The following HOOK3 variants were observed in gnomAD, a reference collection of about 807,000 sequenced individuals.
The protein encoded by HOOK3 is protein Hook homolog 3.
HOOK3 carries 24 observed loss-of-function variants against 116.3 expected under a neutral mutation model. The observed-to-expected ratio is 0.21, with a 90% CI of 0.15 to 0.29. The LOEUF (loss-of-function observed/expected upper bound fraction) is 0.29, where lower values mean the gene tolerates loss of function less well. Among genes scored for constraint, HOOK3 ranks in the 10% least tolerant of loss-of-function variants. The probability of loss-of-function intolerance (pLI) is 1.00; values close to 1 mark genes in which losing one functional copy is unlikely to be tolerated. For missense variants in HOOK3, 632 were observed against 830.2 expected (o/e 0.76, Z 2.93); for synonymous variants, 275 against 283.0 (o/e 0.97, Z 0.28).
chr8:42,996,151 C>T (rs1320866131), intron 15 of HOOK3, among the ~76,000 whole-genome samples: 2 of 151,866 alleles, frequency 1.3e-5, no homozygotes, highest in Non-Finnish European at 1.5e-5. Flanking sequence ...TTTGGGAGGC[C>T]GAGGCAGGTG....
intron 7 of HOOK3, among the ~76,000 whole-genome samples, chr8:42,958,648 C>T (rs1368626235): frequency 7.4e-6 from 1 of 135,980 alleles, no homozygotes; most frequent in African/African-American, 2.8e-5. Flanking sequence ...GCAGAATGTG[C>T]AGGTTTGTTA....
intron 11 of HOOK3, among the ~76,000 whole-genome samples, chr8:42,972,086 A>AT (rs1377002957): frequency 5.3e-5 from 8 of 151,968 alleles, no homozygotes; most frequent in Non-Finnish European, 1.0e-4. Flanking sequence ...TTATTCTGTT[A>AT]TTTTTTGGTT....
chr8:42,950,303 T>G (rs1363567676), intron 5 of HOOK3, 85 bp from the exon 6 acceptor site: 4 of 857,820 alleles, frequency 4.7e-6, no homozygotes, highest in Non-Finnish European at 7.8e-6. Context: ...GGAAATGACT[T>G]ATAAGAATTT....
intron 9 of HOOK3, 100 bp downstream of exon 9, chr8:42,964,574 C>A: frequency 9.3e-7 from 1 of 1,080,900 alleles, no homozygotes. Flanking sequence ...TGCCTGGAAT[C>A]CCAGCACTTT....
intron 4 of HOOK3, among the ~76,000 whole-genome samples, chr8:42,932,615 G>A (rs1326121726): frequency 1.3e-5 from 2 of 151,902 alleles, no homozygotes; most frequent in African/African-American, 2.4e-5. Flanking sequence ...AGGCCTACTG[G>A]TGTTACCTGT....
intron 4 of HOOK3, among the ~76,000 whole-genome samples, chr8:42,931,974 C>T (rs1807883963): frequency 1.3e-5 from 2 of 152,068 alleles, no homozygotes. Flanking sequence ...AGGCTGGTCT[C>T]AAACTCCTGA....
chr8:42,975,928 A>G (rs1464160409), intron 13 of HOOK3, among the ~76,000 whole-genome samples: 1 of 151,988 alleles, frequency 6.6e-6, no homozygotes, highest in Non-Finnish European at 1.5e-5. Context: ...GATGGTCTCA[A>G]TCTCCTGACC....
At position 43,027,042 on chromosome 8, in the gene HOOK3, C is replaced by A; in HGVS notation, c.*8544C>A. 5.5e-6 allele frequency: 1 copy of A among 182,248 alleles called. No individual in the cohort carries two copies. The highest frequency in any genetic ancestry group is 1.2e-5 in the Non-Finnish European group (1 of 85,652). The allele number at this position is 182,248 out of a possible 1,614,324, so 11.3% of individuals were successfully genotyped here. On this transcript the variant is annotated 3_prime_UTR_variant, in exon 22 of 22. Transcript: ENST00000307602. ...GAGTAGTTAGGATTACAGGTGCCCA[C>A]CACCACGCCCAACTAATTTTTGTAT...
At chr8:42,997,839 GGAATTA>G (rs1264756333) in intron 16 of HOOK3, 1 of 457,542 alleles carries the variant, frequency 2.2e-6, no homozygotes, top group Non-Finnish European at 4.0e-6. Flanking sequence ...CGCTCTGCTG[GGAATTA>G]GAAGTTCATT....
Position 42,897,075 on chromosome 8 carries a change from C to T in HOOK3, c.-57C>T, listed in dbSNP as rs1280487601. The T allele has an allele frequency of 1.6e-6, 2 of 1,214,918 alleles. No individual in the cohort carries two copies. Among genetic ancestry groups the T allele is most frequent in the African/African-American group, 1.6e-5 (1 of 63,344 alleles). The allele number at this position is 1,214,918 out of a possible 1,614,324, so 75.3% of individuals were successfully genotyped here. A position where few individuals can be genotyped will look rare whatever the true frequency, so the allele number is the denominator to read the frequency against. ...CTGCGCGGGCCCCCGGATCCCCCGA[C>T]AGAGCGGCGGCGGTGTCTGGCCAGG... On this transcript the variant is annotated 5_prime_UTR_variant, in exon 1 of 22. Transcript: ENST00000307602.
In HOOK3 at chr8:43,027,638, T is replaced by C. The variant is rs1809956034; in HGVS notation, c.*9140T>C. ...CATAACACATAAGGACGAAATACAATGTTCTGAATATCTTCCACTAATTAA... is the reference window on the plus strand; with the variant it reads ...CATAACACATAAGGACGAAATACAACGTTCTGAATATCTTCCACTAATTAA... On this transcript the variant is annotated 3_prime_UTR_variant, in exon 22 of 22. Coordinates refer to ENST00000307602, the MANE Select transcript of HOOK3 (RefSeq NM_032410.4). The C allele has an allele frequency of 4.6e-6, 1 of 216,814 alleles. No homozygotes were observed. Among genetic ancestry groups the C allele is most frequent in the Non-Finnish European group, 9.4e-6 (1 of 106,032 alleles). 13.4% of individuals were successfully genotyped at this position (216,814 alleles called of 1,614,324 possible). A position where few individuals can be genotyped will look rare whatever the true frequency, so the allele number is the denominator to read the frequency against.
intron 4 of HOOK3, among the ~76,000 whole-genome samples, chr8:42,940,037 G>A (rs569353159): frequency 9.4e-4 from 142 of 150,930 alleles, no homozygotes; most frequent in South Asian, 3.8e-3. Flanking sequence ...CATCCCAGAC[G>A]GTGGGCGGCC....
At chr8:42,913,788 G>A (rs1357630087) in intron 2 of HOOK3, among the ~76,000 whole-genome samples, 4 of 152,070 alleles carry the variant, frequency 2.6e-5, no homozygotes. Flanking sequence ...CACTTGCTAA[G>A]GTCAGTCTTT....
chr8:42,930,498 T>C (rs1460316620), intron 4 of HOOK3, among the ~76,000 whole-genome samples: 1 of 152,240 alleles, frequency 6.6e-6, no homozygotes, highest in Non-Finnish European at 1.5e-5. Context: ...ACTTTCATTT[T>C]ATTCCTTGGC....
chr8:42,968,255 C>T, intron 11 of HOOK3, 41 bp downstream of exon 11: 1 of 1,435,234 alleles, frequency 7.0e-7, no homozygotes, highest in Non-Finnish European at 9.8e-7. Context: ...TTCAGGCAAG[C>T]TCTCAGTTAT....
Position 42,982,677 on chromosome 8 carries a change from A to G in HOOK3, c.1372A>G (p.Ile458Val). 6.2e-7 allele frequency: 1 copy of G among 1,611,998 alleles called. No homozygotes were observed. The highest frequency in any genetic ancestry group is 1.7e-5 in the Admixed American group (1 of 60,022). ...QESSDSLAAE[I>V]VTPEIREKLI... ...GTCTTCAGACAGTCTAGCTGCAGAG[A>G]TTGTTACACCTGAAATCAGGTAAGG... Residue 458 changes from isoleucine to valine, a missense_variant, in exon 14 of 22, where the codon ATT becomes GTT. This residue lies in a region of HOOK3 where 483 missense variants were observed against 648.1 expected (regional missense o/e 0.75). Coordinates refer to ENST00000307602, the MANE Select transcript of HOOK3 (RefSeq NM_032410.4).
At chr8:42,997,950 C>T in intron 16 of HOOK3, 1 of 242,052 alleles carries the variant, frequency 4.1e-6, no homozygotes, top group Non-Finnish European at 8.1e-6. Flanking sequence ...TCCCCTTTGG[C>T]CAAAAAAAAA....
At chr8:42,984,675 G>A (rs1809016351) in intron 14 of HOOK3, among the ~76,000 whole-genome samples, 1 of 152,172 alleles carries the variant, frequency 6.6e-6, no homozygotes, top group African/African-American at 2.4e-5. Flanking sequence ...GCCAAGGCAG[G>A]CGGATCACTT....
At chr8:42,930,251 AAATTGCTTTCAAAATTAAT>A in intron 4 of HOOK3, 79 bp downstream of exon 4, 1 of 1,246,270 alleles carries the variant, frequency 8.0e-7, no homozygotes, top group South Asian at 1.7e-5. Context: ...AGTTAAGGAA[AAATTGCTTTCAAAATTAAT>A]AATCAGTTTG....
Sources: gnomAD v4.1 joint callset for allele counts (sites outside exome capture counted in the v4.1 genomes callset) on GRCh38, gnomAD v4.1.1 for gene constraint, gnomAD v4.1.1 regional missense constraint, MANE v1.5 for transcripts, NCBI Gene and HGNC (gene_info 2026-07-23, HGNC 2026-07-21) for gene names.